The following KLHDC4 variants were observed in gnomAD, a reference collection of about 807,000 sequenced individuals.
KLHDC4 encodes kelch domain containing 4.
A neutral mutation model predicts 62.4 loss-of-function variants in KLHDC4; 90 were observed. That is an observed-to-expected ratio of 1.44 (90% CI 1.22 to 1.72). KLHDC4 has a LOEUF of 1.72. KLHDC4 is among the 40% of genes most tolerant of loss of function. KLHDC4 has a pLI of 0.00. For missense variants in KLHDC4, 1,025 were observed against 699.7 expected, an observed-to-expected ratio of 1.47 and a Z score of -5.25; for synonymous variants, 386 against 284.4, an observed-to-expected ratio of 1.36 and a Z score of -3.59.
At chr16:87,713,822 G>C (rs554136564) in intron 8 of KLHDC4, among the ~76,000 whole-genome samples, 54 of 152,302 alleles carry the variant, frequency 3.5e-4, no homozygotes, top group Non-Finnish European at 6.3e-4. Flanking sequence ...AGAGAATGAT[G>C]ATTGTTCCCC....
chr16:87,750,178 C>A lies in KLHDC4; in HGVS notation c.370-1369G>T, dbSNP rs190834039. Reference sequence around the variant, plus strand: ...CTGTGGAAAGAGCTGCTTGGACAGACTGCTGGGCTACAAGCAATGGCAGAG... The same window carrying A: ...CTGTGGAAAGAGCTGCTTGGACAGAATGCTGGGCTACAAGCAATGGCAGAG... On this transcript the variant is annotated intron_variant, in intron 4 of 11. Transcript: ENST00000270583. The A allele has an allele frequency of 3.9e-5, 6 of 152,386 alleles. 1 individual carries two copies. Among genetic ancestry groups the A allele is most frequent in the Admixed American group, 3.9e-4 (6 of 15,304 alleles). The allele number at this position is 152,386 out of a possible 1,614,324, so 9.4% of individuals were successfully genotyped here. A position where few individuals can be genotyped will look rare whatever the true frequency, so the allele number is the denominator to read the frequency against.
chr16:87,722,394 A>G (rs550665417), intron 7 of KLHDC4, among the ~76,000 whole-genome samples: 2 of 152,262 alleles, frequency 1.3e-5, no homozygotes, highest in South Asian at 4.1e-4. Context: ...GTTCCTCTTA[A>G]TCTACAGGCA....
At chr16:87,764,063 C>G (rs1198081666) in intron 1 of KLHDC4, among the ~76,000 whole-genome samples, 1 of 152,140 alleles carries the variant, frequency 6.6e-6, no homozygotes, top group Non-Finnish European at 1.5e-5. Flanking sequence ...TCTGTGGGAG[C>G]AGAATTCCAA....
At chr16:87,735,331 A>C (rs2041130632) in intron 5 of KLHDC4, among the ~76,000 whole-genome samples, 1 of 151,292 alleles carries the variant, frequency 6.6e-6, no homozygotes, top group Non-Finnish European at 1.5e-5. Context: ...AAAAAACTAA[A>C]CCAGTGTGTC....
In KLHDC4 at chr16:87,755,184, C is replaced by A. The variant is rs747865574; in HGVS notation, c.369+10G>T. 1 of 1,588,282 alleles carries A rather than the reference C, an allele frequency of 6.3e-7. No individual in the cohort carries two copies. Among genetic ancestry groups the A allele is most frequent in the Admixed American group, 1.7e-5 (1 of 59,836 alleles). The stretch of plus-strand genomic sequence containing the variant: ...GAGGGAGGGTGGCTGAGAGTCAGTG[C>A]TGACATTACCTGGTGAGCACAGCGC... On this transcript the variant is annotated intron_variant, in intron 4 of 11. Transcript: ENST00000270583.
chr16:87,704,248 TG>T (rs1472400325), downstream of KLHDC4, among the ~76,000 whole-genome samples: 2 of 151,676 alleles, frequency 1.3e-5, no homozygotes, highest in African/African-American at 4.8e-5. Context: ...TGGAGAGCCC[TG>T]GGGAGGGTCC....
chr16:87,738,272 A>G (rs2041681419), intron 5 of KLHDC4, among the ~76,000 whole-genome samples: 1 of 152,140 alleles, frequency 6.6e-6, no homozygotes, highest in Admixed American at 6.5e-5. Flanking sequence ...ACTTTCACTC[A>G]GATGCAGCTT....
chr16:87,749,261 G>A lies in KLHDC4; in HGVS notation c.370-452C>T, dbSNP rs1192779404. ...TCAGAAGTACAATGTGCACGTAAAA[G>A]AAAGTGTTTATGTGCCAGGCGCGGT... On this transcript the variant is annotated intron_variant, in intron 4 of 11. Coordinates refer to ENST00000270583, the MANE Select transcript of KLHDC4 (RefSeq NM_017566.4). Among the ~76,000 whole-genome samples the A allele has an allele frequency of 2.0e-5, 3 of 152,190 alleles. No homozygotes were observed. In the East Asian group the frequency reaches 5.8e-4, roughly 29 times the overall value.
At chr16:87,709,180 C>T in intron 10 of KLHDC4, 85 bp downstream of exon 10, 1 of 1,511,868 alleles carries the variant, frequency 6.6e-7, no homozygotes, top group Middle Eastern at 2.1e-4. Context: ...CTCTGGGCAG[C>T]TTGCAGGGCT....
At chr16:87,705,066 C>A (rs1226740436), downstream of KLHDC4, among the ~76,000 whole-genome samples, 2 of 152,148 alleles carry the variant, frequency 1.3e-5, no homozygotes, top group Admixed American at 6.5e-5. Context: ...AGTCAGGGGT[C>A]TGGGGGCCGT....
intron 7 of KLHDC4, among the ~76,000 whole-genome samples, chr16:87,723,168 T>C (rs2038743306): frequency 6.6e-6 from 1 of 152,220 alleles, no homozygotes; most frequent in South Asian, 2.1e-4. Flanking sequence ...GCTTCAGCCA[T>C]GGCGCAGCTG....
At chr16:87,702,407 C>G (rs907087778) in exon 1 of KLHDC4, 2 of 375,168 alleles carry the variant, frequency 5.3e-6, no homozygotes, top group Non-Finnish European at 1.1e-5. Flanking sequence ...CCGTCCTGCA[C>G]CCCCAGCCTG....
intron 3 of KLHDC4, chr16:87,755,843 G>C (rs988009546): frequency 1.4e-4 from 23 of 163,642 alleles, no homozygotes; most frequent in Admixed American, 1.2e-3. Flanking sequence ...GGGATTACAG[G>C]CATGAGCCAC....
chr16:87,755,334 C>T (rs777486884), intron 3 of KLHDC4, 42 bp from the exon 4 acceptor site: 16 of 1,059,078 alleles, frequency 1.5e-5, no homozygotes, highest in Non-Finnish European at 2.1e-5. Flanking sequence ...AAATGATACG[C>T]TTCCAAGGAA....
chr16:87,731,701 A>G (rs952059726), intron 5 of KLHDC4, among the ~76,000 whole-genome samples: 5 of 152,186 alleles, frequency 3.3e-5, no homozygotes, highest in African/African-American at 1.2e-4. Context: ...GCAATCTGAC[A>G]TAAGACATGG....
chr16:87,698,715 T>A (rs900207912), exon 1 of KLHDC4: 4 of 152,180 alleles, frequency 2.6e-5, no homozygotes, highest in Non-Finnish European at 5.9e-5. Context: ...TTAATTGGTT[T>A]CCACATGGGG....
intron 5 of KLHDC4, among the ~76,000 whole-genome samples, chr16:87,745,259 G>A (rs2042872823): frequency 6.6e-6 from 1 of 151,842 alleles, no homozygotes; most frequent in African/African-American, 2.4e-5. Context: ...GCCATAGGGT[G>A]CCCTCTGCTC....
rs2035456542 is a variant in KLHDC4, at chr16:87,709,954, A to G, written c.1045-287T>C. On this transcript the variant is annotated intron_variant, in intron 9 of 11. Coordinates refer to ENST00000270583, the MANE Select transcript of KLHDC4 (RefSeq NM_017566.4). The stretch of plus-strand genomic sequence containing the variant: ...TCCACACCTCCACTGAGAGGTGGAC[A>G]GGCCCACCAGACCCCACACACAGGG... 3 of 430,500 alleles carry G rather than the reference A, an allele frequency of 7.0e-6. No individual in the cohort carries two copies. The South Asian group carries it at 1.3e-4, about 19-fold the overall frequency. The allele number at this position is 430,500 out of a possible 1,614,324, so 26.7% of individuals were successfully genotyped here. A position where few individuals can be genotyped will look rare whatever the true frequency, so the allele number is the denominator to read the frequency against.
At chr16:87,761,874 T>G in intron 2 of KLHDC4, 75 bp downstream of exon 2, 3 of 1,393,732 alleles carry the variant, frequency 2.2e-6, no homozygotes, top group Non-Finnish European at 3.0e-6. Flanking sequence ...TTACGAAACC[T>G]GGTGCTATTT....
Sources: allele counts gnomAD v4.1 joint callset (sites outside exome capture counted in the v4.1 genomes callset), GRCh38; gene constraint gnomAD v4.1.1; transcripts MANE v1.5; gene names NCBI Gene and HGNC (gene_info 2026-07-23, HGNC 2026-07-21).